Variants in EPSTI1 observed in about 807,000 individuals in gnomAD.
EPSTI1 encodes epithelial stromal interaction 1.
A neutral mutation model predicts 49.9 loss-of-function variants in EPSTI1; 66 were observed. That is an observed-to-expected ratio of 1.32 (90% confidence interval 1.08 to 1.62). EPSTI1 has a LOEUF of 1.62. Among genes scored for constraint, EPSTI1 ranks in the 40% most tolerant of loss-of-function variants. The pLI is 0.00. For missense variants in EPSTI1, 394 were observed against 365.5 expected (o/e 1.08, Z -0.64); for synonymous variants, 137 against 130.7 (o/e 1.05, Z -0.33).
intron 7 of EPSTI1, chr13:42,919,410 G>A: frequency 7.8e-7 from 1 of 1,278,248 alleles, no homozygotes; most frequent in Non-Finnish European, 1.1e-6. Flanking sequence ...CTAAGTCACT[G>A]TATTCACATA....
chr13:42,982,071 A>G (rs547485256), intron 1 of EPSTI1, among the ~76,000 whole-genome samples: 39 of 152,344 alleles, frequency 2.6e-4, no homozygotes, highest in Non-Finnish European at 4.3e-4. Flanking sequence ...AAATAAAGCT[A>G]AAACCTGCTG....
At chr13:42,900,473 T>C (rs1295296132) in intron 8 of EPSTI1, 90 bp from the exon 9 acceptor site, 3 of 1,222,306 alleles carry the variant, frequency 2.5e-6, no homozygotes, top group East Asian at 2.4e-5. Flanking sequence ...AAACCTCAAC[T>C]GGTACAATAT....
chr13:42,926,526 T>C (rs2038185096), intron 6 of EPSTI1, 97 bp from the exon 7 acceptor site: 1 of 771,460 alleles, frequency 1.3e-6, no homozygotes, highest in East Asian at 2.5e-5. Flanking sequence ...ATTTGGGTGA[T>C]GATTAAAATT....
At chr13:42,949,538 G>C (rs1298011342) in intron 6 of EPSTI1, among the ~76,000 whole-genome samples, 2 of 149,442 alleles carry the variant, frequency 1.3e-5, no homozygotes, top group South Asian at 2.1e-4. Context: ...GTTGCAGTGA[G>C]CTGAGATTGA....
chr13:42,986,744 C>CAAAAAAAAAAAA (rs71099813), intron 1 of EPSTI1, among the ~76,000 whole-genome samples: 1 of 80,814 alleles, frequency 1.2e-5, no homozygotes, highest in Non-Finnish European at 2.1e-5. Flanking sequence ...GATTCCATCT[C>CAAAAAAAAAAAA]AAAAAAAAAA....
intron 9 of EPSTI1, among the ~76,000 whole-genome samples, chr13:42,899,015 C>G (rs1447977520): frequency 1.3e-5 from 2 of 151,818 alleles, no homozygotes; most frequent in African/African-American, 4.8e-5. Context: ...CTGGCCAACA[C>G]AGTGAAACCC....
intron 8 of EPSTI1, among the ~76,000 whole-genome samples, chr13:42,909,068 G>A (rs1377461453): frequency 1.3e-5 from 2 of 149,878 alleles, no homozygotes; most frequent in Admixed American, 6.7e-5. Flanking sequence ...ACTCCAGCCT[G>A]GGCAACAAGA....
At chr13:42,991,947 C>G (rs148258555) in intron 1 of EPSTI1, 31 bp downstream of exon 1, 4 of 1,611,834 alleles carry the variant, frequency 2.5e-6, no homozygotes, top group Middle Eastern at 3.3e-4. Flanking sequence ...CCCGGGCTCC[C>G]GCCCCGAAGC....
intron 6 of EPSTI1, among the ~76,000 whole-genome samples, chr13:42,946,788 G>A (rs994472489): frequency 2.6e-5 from 4 of 152,202 alleles, no homozygotes; most frequent in African/African-American, 9.6e-5. Flanking sequence ...TCTCCTGTCA[G>A]AACAGCAGCG....
At chr13:42,952,178 A>T (rs578155156) in intron 6 of EPSTI1, among the ~76,000 whole-genome samples, 10 of 152,304 alleles carry the variant, frequency 6.6e-5, no homozygotes, top group Non-Finnish European at 1.5e-4. Flanking sequence ...GCAGACAAAT[A>T]AGGCAATAAA....
chr13:42,903,452 G>A (rs777712443), intron 8 of EPSTI1, among the ~76,000 whole-genome samples: 2 of 152,050 alleles, frequency 1.3e-5, no homozygotes, highest in Non-Finnish European at 2.9e-5. Context: ...ATGGATGCTG[G>A]GCTTATTACC....
chr13:42,951,479 A>G lies in EPSTI1; in HGVS notation c.563+2469T>C, dbSNP rs547783017. The stretch of plus-strand genomic sequence containing the variant: ...TTTTTCCTGGTTAACTGGGACTTTT[A>G]CAATAAGCAGAAGAAAGAGCAAGAG... On this transcript the variant is annotated intron_variant, in intron 6 of 10. Coordinates refer to ENST00000313624, the MANE Select transcript of EPSTI1 (RefSeq NM_033255.5). Among the ~76,000 whole-genome samples, 13 of 152,352 alleles carry G rather than the reference A, an allele frequency of 8.5e-5. No individual in the cohort carries two copies. The South Asian group carries it at 2.7e-3, about 32-fold the overall frequency.
intron 6 of EPSTI1, among the ~76,000 whole-genome samples, chr13:42,937,011 A>T (rs9533308): frequency 0.47 from 71,512 of 151,932 alleles, 16,973 homozygotes; most frequent in Middle Eastern, 0.52. Flanking sequence ...TACAATATGT[A>T]GTTATAGTCA....
At position 42,895,044 on chromosome 13, in the gene EPSTI1, C is replaced by T; in HGVS notation, c.880G>A (p.Gly294Arg). The T allele has an allele frequency of 6.2e-7, 1 of 1,613,448 alleles. No individual in the cohort carries two copies. The highest frequency in any genetic ancestry group is 8.5e-7 in the Non-Finnish European group (1 of 1,179,674). Residue 294 changes from glycine to arginine, a missense_variant, in exon 10 of 11, where the codon GGA becomes AGA. Physicochemically the swap from Gly to Arg is moderately radical, Grantham distance 125. Transcript: ENST00000313624. Reference sequence around the variant, plus strand: ...CCGCTATTCATATTCCAACAGCCTCCAGATTGCTCGAGGCCACCTGGTTGA... The same window carrying T: ...CCGCTATTCATATTCCAACAGCCTCTAGATTGCTCGAGGCCACCTGGTTGA... The part of the protein sequence containing the change: ...KSQPGGLEQS[G>R]GCWNMNSGNS...
intron 1 of EPSTI1, among the ~76,000 whole-genome samples, chr13:42,979,916 C>A: frequency 6.6e-6 from 1 of 151,780 alleles, no homozygotes; most frequent in East Asian, 1.9e-4. Flanking sequence ...TCTTCCCTAC[C>A]TTTACCTCAT....
At chr13:42,925,662 A>T (rs780743962) in intron 7 of EPSTI1, among the ~76,000 whole-genome samples, 1 of 151,018 alleles carries the variant, frequency 6.6e-6, no homozygotes, top group Non-Finnish European at 1.5e-5. Context: ...CAGCTACATA[A>T]CTCTTCTTCC....
chr13:42,974,558 C>T (rs1468914595), intron 1 of EPSTI1, among the ~76,000 whole-genome samples: 1 of 151,436 alleles, frequency 6.6e-6, no homozygotes, highest in Non-Finnish European at 1.5e-5. Context: ...ACTTGGGAGG[C>T]TGAGGCAGGA....
Position 42,900,466 on chromosome 13 carries a change from C to T in EPSTI1, c.742-83G>A, listed in dbSNP as rs780075707. 16 of 1,283,992 alleles carry T rather than the reference C, an allele frequency of 1.2e-5. No homozygotes were observed. In the Admixed American group the frequency reaches 2.2e-4, roughly 18 times the overall value. The allele number at this position is 1,283,992 out of a possible 1,614,324, so 79.5% of individuals were successfully genotyped here. ...TACCCAAATCAATTACATATTTAAA[C>T]CTCAACTGGTACAATATTTCATTTT... On this transcript the variant is annotated intron_variant, in intron 8 of 10. Transcript: ENST00000313624.
intron 7 of EPSTI1, among the ~76,000 whole-genome samples, chr13:42,921,072 T>C (rs574794589): frequency 1.3e-3 from 201 of 152,096 alleles, no homozygotes; most frequent in African/African-American, 4.5e-3. Flanking sequence ...ATTTGAATAA[T>C]AGAAATTCCA....
Sources: gnomAD v4.1 joint callset for allele counts (sites outside exome capture counted in the v4.1 genomes callset) on GRCh38, gnomAD v4.1.1 for gene constraint, MANE v1.5 for transcripts, NCBI Gene and HGNC (gene_info 2026-07-23, HGNC 2026-07-21) for gene names.